FAM151A: variants seen among roughly 807,000 people sequenced by gnomAD.
FAM151A encodes family with sequence similarity 151 member A.
In FAM151A, 41 loss-of-function variants were observed where a neutral mutation model predicts 40.4. The ratio of observed to expected loss-of-function variants is 1.01; its 90% CI spans 0.79 to 1.32. The LOEUF is 1.32. Among genes scored for constraint, FAM151A ranks in the 40% most tolerant of loss-of-function variants. The pLI, the probability that FAM151A is intolerant of heterozygous loss-of-function variation, is 0.00. For missense variants in FAM151A, 740 were observed against 740.4 expected, an observed-to-expected ratio of 1.00 and a Z score of 0.01; for synonymous variants, 337 against 312.5, an observed-to-expected ratio of 1.08 and a Z score of -0.83.
chr1:54,620,488 C>T (rs1250896073), intron 1 of FAM151A, among the ~76,000 whole-genome samples: 4 of 151,980 alleles, frequency 2.6e-5, no homozygotes, highest in African/African-American at 9.7e-5. Flanking sequence ...GGTGGATCAC[C>T]TGAGATTAGG....
In FAM151A at chr1:54,612,495, T is replaced by A; in HGVS notation, c.791A>T (p.Gln264Leu). 6.2e-7 allele frequency: 1 copy of A among 1,613,350 alleles called. No individual in the cohort carries two copies. Among genetic ancestry groups the A allele is most frequent in the Non-Finnish European group, 8.5e-7 (1 of 1,179,574 alleles). ...AWPHFSWLLS[Q>L]SERYSLTLWQ... ...GTTTGGTGGTTTTCACCTCTCAGAT[T>A]GGCTCAGCAGCCAGCTGAAGTGGGG... The change falls in exon 5 of 8, where the codon CAA (glutamine) becomes CTA (leucine). Residue 264 changes from glutamine (Q) to leucine (L), a missense_variant. Transcript: ENST00000302250.
At position 54,619,878 on chromosome 1, in the gene FAM151A, G is replaced by C. The variant is rs1343034502; in HGVS notation, c.248C>G (p.Thr83Arg). The change falls in exon 2 of 8, where the codon ACA becomes AGA. Residue 83 changes from threonine (T) to arginine (R), a missense_variant. Physicochemically the swap from Thr to Arg is moderately conservative, Grantham distance 71. Coordinates refer to ENST00000302250, the MANE Select transcript of FAM151A (RefSeq NM_176782.3). Reference protein sequence around the residue: ...YHAANSKKAMTAALNSNITVL... With the variant: ...YHAANSKKAMRAALNSNITVL... The stretch of plus-strand genomic sequence containing the variant: ...GCTGGACTTACTGTTCAGGGCAGCT[G>C]TCATGGCTTTCTTGCTGTTGGCTGC... 6.2e-7 allele frequency: 1 copy of C among 1,613,940 alleles called. No homozygotes were observed. Among genetic ancestry groups the C allele is most frequent in the African/African-American group, 1.3e-5 (1 of 74,938 alleles).
intron 2 of FAM151A, among the ~76,000 whole-genome samples, chr1:54,618,287 T>G (rs575731248): frequency 2.6e-5 from 4 of 152,200 alleles, no homozygotes; most frequent in East Asian, 3.9e-4. Flanking sequence ...GCGGATCACT[T>G]GAGTTTAGGA....
At chr1:54,620,068 C>A in intron 1 of FAM151A, 61 bp from the exon 2 acceptor site, 1 of 1,569,786 alleles carries the variant, frequency 6.4e-7, no homozygotes, top group South Asian at 1.2e-5. Flanking sequence ...GACTCATGTT[C>A]GTTCATCCCA....
Position 54,623,354 on chromosome 1 carries a change from C to T in FAM151A, c.42G>A (p.Trp14Ter). The T allele has an allele frequency of 3.7e-6, 6 of 1,613,928 alleles. No homozygotes were observed. Among genetic ancestry groups the T allele is most frequent in the Non-Finnish European group, 5.1e-6 (6 of 1,179,974 alleles). The change falls in exon 1 of 8, where the codon TGG becomes TGA. Residue 14 changes from tryptophan (W) to a stop codon, truncating the protein, a stop_gained. Transcript: ENST00000302250. LOFTEE classifies it high-confidence loss of function. Reference protein sequence around the residue: ...REQLSKNQVKWVFAGITCVSV... With the variant: ...REQLSKNQVK ...ACACACAGGTAATGCCGGCAAACAC[C>T]CACTTGACCTGATTCTTTGATAACT... is the stretch of plus-strand genomic sequence containing the variant.
Position 54,623,307 on chromosome 1 carries a change from A to G in FAM151A, c.89T>C (p.Ile30Thr), listed in dbSNP as rs769081035. Residue 30 changes from isoleucine (I) to threonine (T), a missense_variant, in exon 1 of 8, where the codon ATA (isoleucine) becomes ACA (threonine). Physicochemically the swap from Ile to Thr is moderately conservative, Grantham distance 89. Transcript: ENST00000302250. ...TCVSVVVIAAIVLAITLRRPG... is the reference protein window; with the variant it reads ...TCVSVVVIAATVLAITLRRPG... ...CCGCCGCAGGGTGATGGCAAGGACTATTGCGGCAATGACCACCACAGACAC... is the reference window on the plus strand; with the variant it reads ...CCGCCGCAGGGTGATGGCAAGGACTGTTGCGGCAATGACCACCACAGACAC... 44 of 1,613,920 alleles carry G rather than the reference A, an allele frequency of 2.7e-5. No homozygotes were observed. The highest frequency in any genetic ancestry group is 2.0e-4 in the South Asian group (18 of 91,070).
In FAM151A at chr1:54,611,746, C is replaced by G. The variant is rs780265540; in HGVS notation, c.801-1G>C. On this transcript the variant is annotated splice_acceptor_variant, in intron 5 of 7. Transcript: ENST00000302250. LOFTEE classifies it high-confidence loss of function. ...AGCCTGCCACAGCGTCAGGCTGTAC[C>G]TGGGGACACGAGAGCTGGCTCAGTG... 3 of 1,614,026 alleles carry G rather than the reference C, an allele frequency of 1.9e-6. No individual in the cohort carries two copies. The highest frequency in any genetic ancestry group is 1.1e-5 in the South Asian group (1 of 91,082).
intron 6 of FAM151A, 73 bp from the exon 7 acceptor site, chr1:54,610,628 A>G (rs1644108079): frequency 6.4e-7 from 1 of 1,565,024 alleles, no homozygotes; most frequent in Non-Finnish European, 8.7e-7. Context: ...CTAGGGTCCC[A>G]TAGGCCACAG....
chr1:54,610,920 G>C, intron 6 of FAM151A: 1 of 985,368 alleles, frequency 1.0e-6, no homozygotes, highest in Non-Finnish European at 1.2e-6. Flanking sequence ...TGAGGGGTTT[G>C]GATAGTGGCA....
rs1336904962 is a variant in FAM151A at position 54,612,550 on chromosome 1, C to A, written c.736G>T (p.Val246Leu). Reference protein sequence around the residue: ...GGVPQRVTFPVRSSMVRAAWP... With the variant: ...GGVPQRVTFPLRSSMVRAAWP... ...GCAGCCCGCACCATGGAAGACCGTA[C>A]AGGGAAGGTGACCCTCTGGGGCACT... Residue 246 changes from valine (V) to leucine (L), a missense_variant, in exon 5 of 8, where the codon GTA becomes TTA. Transcript: ENST00000302250. 1.2e-6 allele frequency: 2 copies of A among 1,613,944 alleles called. No individual in the cohort carries two copies. The highest frequency in any genetic ancestry group is 1.3e-5 in the African/African-American group (1 of 74,910).
rs141176241 is a variant in FAM151A at position 54,612,563 on chromosome 1, C to T, written c.723G>A (p.Arg241=). 2 of 1,614,074 alleles carry T rather than the reference C, an allele frequency of 1.2e-6. No individual in the cohort carries two copies. Among genetic ancestry groups the T allele is most frequent in the East Asian group, 2.2e-5 (1 of 44,844 alleles). The change falls in exon 5 of 8, where the codon AGG becomes AGA. Residue 241 remains arginine, a synonymous_variant. Transcript: ENST00000302250. ...MHELVGGVPQ[R]VTFPVRSSMV... ...TGGAAGACCGTACAGGGAAGGTGAC[C>T]CTCTGGGGCACTCCTCCCACCAGCT...
At chr1:54,614,677 G>A (rs1449598790) in intron 4 of FAM151A, 23 bp downstream of exon 4, 5 of 1,600,044 alleles carry the variant, frequency 3.1e-6, no homozygotes, top group Non-Finnish European at 4.3e-6. Context: ...GGACACAGCT[G>A]GGACAGAGAG....
chr1:54,623,254 G>T (rs755837958), intron 1 of FAM151A, 24 bp downstream of exon 1: 34 of 1,547,770 alleles, frequency 2.2e-5, no homozygotes, highest in African/African-American at 2.7e-5. Context: ...AGCCACTCAG[G>T]ATGACATGGG....
chr1:54,614,659 A>T, intron 4 of FAM151A, 41 bp downstream of exon 4: 1 of 1,575,582 alleles, frequency 6.3e-7, no homozygotes, highest in Non-Finnish European at 8.6e-7. Flanking sequence ...TGTTGACAGA[A>T]GAGGGCTGGA....
chr1:54,623,471 T>G lies in FAM151A; in HGVS notation c.-76A>C. 1 of 1,138,340 alleles carries G rather than the reference T, an allele frequency of 8.8e-7. No individual in the cohort carries two copies. The highest frequency in any genetic ancestry group is 1.3e-6 in the Non-Finnish European group (1 of 761,834). The allele number at this position is 1,138,340 out of a possible 1,614,324, so 70.5% of individuals were successfully genotyped here. ...GAGGCTCCCTGCAGCTGGAATCCTG[T>G]GGGAGGCAGGAGCTCCCAGCAGCAC... On this transcript the variant is annotated 5_prime_UTR_variant, in exon 1 of 8. Coordinates refer to ENST00000302250, the MANE Select transcript of FAM151A (RefSeq NM_176782.3).
At chr1:54,618,844 C>CTTT (rs1173467456) in intron 2 of FAM151A, among the ~76,000 whole-genome samples, 2 of 151,920 alleles carry the variant, frequency 1.3e-5, no homozygotes, top group African/African-American at 4.8e-5. Flanking sequence ...GTTATTTGAT[C>CTTT]TTTTTTTGCC....
intron 5 of FAM151A, among the ~76,000 whole-genome samples, chr1:54,612,034 G>A (rs1644123816): frequency 6.6e-6 from 1 of 151,568 alleles, no homozygotes. Flanking sequence ...CAGGACAGAT[G>A]GGGGAGGGTG....
chr1:54,614,956 ATGTGCG>A (rs1557671418), intron 3 of FAM151A, 97 bp from the exon 4 acceptor site: 220 of 1,239,586 alleles, frequency 1.8e-4, no homozygotes, highest in South Asian at 6.2e-4. Flanking sequence ...GTGTGTGTGC[ATGTGCG>A]TGCACAGTGG....
chr1:54,613,065 A>G (rs763597443), intron 4 of FAM151A, among the ~76,000 whole-genome samples: 1 of 151,970 alleles, frequency 6.6e-6, no homozygotes, highest in Non-Finnish European at 1.5e-5. Context: ...GAGTCTCTGA[A>G]GTTTCTCAGG....
Sources: allele counts gnomAD v4.1 joint callset (sites outside exome capture counted in the v4.1 genomes callset), GRCh38; gene constraint gnomAD v4.1.1; transcripts MANE v1.5; gene names NCBI Gene and HGNC (gene_info 2026-07-23, HGNC 2026-07-21).